MZT2A: variants seen among roughly 807,000 people sequenced by gnomAD.
MZT2A encodes the protein mitotic-spindle organizing protein 2A.
In MZT2A, 8 loss-of-function variants were observed where a neutral mutation model predicts 12.4. That is an observed-to-expected ratio of 0.64 (90% CI 0.38 to 1.16). The LOEUF (loss-of-function observed/expected upper bound fraction) is 1.16, where lower values mean the gene tolerates loss of function less well. Among genes scored for constraint, MZT2A ranks in the 50% most tolerant of loss-of-function variants. The pLI is 0.01. For synonymous variants in MZT2A, 88 were observed against 107.5 expected, an observed-to-expected ratio of 0.82 and a Z score of 1.12; for missense variants, 181 against 223.6, an observed-to-expected ratio of 0.81 and a Z score of 1.22.
At chr2:131,493,562 G>A (rs1679434933), upstream of MZT2A, among the ~76,000 whole-genome samples, 2 of 152,182 alleles carry the variant, frequency 1.3e-5, no homozygotes, top group Admixed American at 6.5e-5. Flanking sequence ...AGCCCAATTC[G>A]CAGGAGAGTT....
upstream of MZT2A, chr2:131,493,083 C>T (rs2272360): frequency 1.9e-5 from 29 of 1,492,752 alleles, no homozygotes; most frequent in Non-Finnish European, 2.3e-5. Context: ...GACGTTTTGG[C>T]GCGGTGGCGG....
chr2:131,476,245 C>T lies in MZT2A; in HGVS notation c.279-4063G>A, dbSNP rs759968747. On this transcript the variant is annotated intron_variant and NMD_transcript_variant, in intron 2 of 4. Transcript: ENST00000427024. Reference sequence around the variant, plus strand: ...CCCGCCCCGCAGATGCCCAGGCAGACGAAGTTGGCCTCGGGTGGACAGAGG... The same window carrying T: ...CCCGCCCCGCAGATGCCCAGGCAGATGAAGTTGGCCTCGGGTGGACAGAGG... 5.0e-6 allele frequency: 8 copies of T among 1,613,704 alleles called. No individual in the cohort carries two copies. In the South Asian group the frequency reaches 6.6e-5, roughly 13 times the overall value.
chr2:131,489,549 T>C (rs1679202837), intron 2 of MZT2A: 1 of 151,906 alleles, frequency 6.6e-6, no homozygotes. Context: ...TTTGTATTTT[T>C]AGTAGAGATG....
intron 2 of MZT2A, among the ~76,000 whole-genome samples, chr2:131,474,462 T>G (rs1266334245): frequency 1.4e-5 from 2 of 138,004 alleles, no homozygotes; most frequent in African/African-American, 5.4e-5. Context: ...CAGGCTGGAG[T>G]GCAATGGTGT....
intron 2 of MZT2A, chr2:131,490,215 G>A (rs1452141667): frequency 1.3e-6 from 1 of 789,536 alleles, no homozygotes; most frequent in African/African-American, 1.9e-5. Context: ...CAGGAGTGAG[G>A]CGGGCAAGGG....
chr2:131,491,845 C>G (rs1052083125), intron 2 of MZT2A, 31 bp downstream of exon 2: 142 of 1,374,706 alleles, frequency 1.0e-4, no homozygotes, highest in Non-Finnish European at 1.3e-4. Context: ...ACCCCCGCCA[C>G]TGGGGCAGGG....
intron 2 of MZT2A, 197 bp downstream of exon 2, chr2:131,491,679 C>T: frequency 1.2e-6 from 1 of 804,748 alleles, no homozygotes; most frequent in Non-Finnish European, 1.9e-6. Flanking sequence ...CTGCGTCCAC[C>T]TGACCTGGAC....
chr2:131,493,252 G>C (rs1422662652), upstream of MZT2A: 27 of 1,355,746 alleles, frequency 2.0e-5, no homozygotes, highest in Non-Finnish European at 2.6e-5. Flanking sequence ...GGGCGGCCCG[G>C]CGGCTCTGCC....
At chr2:131,483,424 C>G (rs776231049), downstream of MZT2A, among the ~76,000 whole-genome samples, 1 of 152,160 alleles carries the variant, frequency 6.6e-6, no homozygotes, top group Non-Finnish European at 1.5e-5. Flanking sequence ...TGGAAGGCAG[C>G]GTTCGCCCTC....
At chr2:131,484,302 A>G (rs1182294526) in intron 2 of MZT2A, 84 bp from the exon 3 acceptor site, 16 of 1,562,406 alleles carry the variant, frequency 1.0e-5, no homozygotes, top group Non-Finnish European at 1.4e-5. Context: ...CTTGGGCAAC[A>G]TTTGTGTCTA....
chr2:131,483,532 G>A (rs1383534229), downstream of MZT2A, among the ~76,000 whole-genome samples: 5 of 152,042 alleles, frequency 3.3e-5, no homozygotes, highest in African/African-American at 1.2e-4. Flanking sequence ...TAGCTAACAT[G>A]GTGAAACCCC....
downstream of MZT2A, chr2:131,483,043 T>C: frequency 1.0e-6 from 1 of 956,604 alleles, no homozygotes; most frequent in Non-Finnish European, 1.5e-6. Context: ...GGTGTGGGGT[T>C]GGGTGCAGCA....
chr2:131,476,175 T>C (rs2105267035), intron 2 of MZT2A: 3 of 1,613,814 alleles, frequency 1.9e-6, no homozygotes, highest in Non-Finnish European at 2.5e-6. Context: ...GGCAGTAGCG[T>C]TGGGCTGAAG....
chr2:131,476,180 C>T (rs769925507), intron 2 of MZT2A: 1 of 1,613,912 alleles, frequency 6.2e-7, no homozygotes, highest in Non-Finnish European at 8.5e-7. Context: ...TAGCGTTGGG[C>T]TGAAGCAGCG....
chr2:131,477,977 T>G (rs1165005129), intron 2 of MZT2A, among the ~76,000 whole-genome samples: 1 of 152,192 alleles, frequency 6.6e-6, no homozygotes, highest in Non-Finnish European at 1.5e-5. Context: ...TACTAGCTAG[T>G]ATGGTTTACA....
chr2:131,492,495 G>GGAGCGGCAT, upstream of MZT2A: 1 of 1,072,964 alleles, frequency 9.3e-7, no homozygotes, highest in Middle Eastern at 3.9e-4. Flanking sequence ...GGGAGCGGCG[G>GGAGCGGCAT]GAGCGCGGGG....
At chr2:131,484,315 C>A in intron 2 of MZT2A, 97 bp from the exon 3 acceptor site, 1 of 1,537,612 alleles carries the variant, frequency 6.5e-7, no homozygotes, top group Admixed American at 1.9e-5. Context: ...TGTGTCTACA[C>A]ATTTCCATCA....
intron 2 of MZT2A, chr2:131,486,497 G>C (rs553307014): frequency 1.1e-4 from 17 of 153,118 alleles, no homozygotes; most frequent in African/African-American, 3.9e-4. Context: ...ACTCAGAGTC[G>C]GCTTCCCTTC....
downstream of MZT2A, among the ~76,000 whole-genome samples, chr2:131,483,658 T>C (rs374605819): frequency 5.3e-5 from 8 of 152,066 alleles, no homozygotes; most frequent in East Asian, 1.2e-3. Context: ...GAGCTTGTAG[T>C]GAGCCAAGAT....
Sources: gnomAD v4.1 joint callset for allele counts (sites outside exome capture counted in the v4.1 genomes callset) on GRCh38, gnomAD v4.1.1 for gene constraint, MANE v1.5 for transcripts, NCBI Gene and HGNC (gene_info 2026-07-23, HGNC 2026-07-21) for gene names.